Variants in ZNF17 observed in about 807,000 individuals in gnomAD.
ZNF17 encodes zinc finger protein 17.
In ZNF17, 4 loss-of-function variants were observed where a neutral mutation model predicts 7.7. The ratio of observed to expected loss-of-function variants is 0.52; its 90% CI spans 0.26 to 1.20. ZNF17 has a LOEUF of 1.20. ZNF17 is among the 50% of genes most tolerant of loss of function. ZNF17 has a pLI of 0.14. For synonymous variants in ZNF17, 249 were observed against 258.8 expected, an observed-to-expected ratio of 0.96 and a Z score of 0.36; for missense variants, 738 against 799.5, an observed-to-expected ratio of 0.92 and a Z score of 0.93.
Position 57,420,146 on chromosome 19 carries a change from T to G in ZNF17, c.660T>G (p.Tyr220Ter). The change falls in exon 4 of 4, where the codon TAT (tyrosine) becomes TAG (stop). Residue 220 changes from tyrosine (Y) to a stop codon, truncating the protein, a stop_gained. Coordinates refer to ENST00000307658, the MANE Select transcript of ZNF17 (RefSeq NM_001330617.2). LOFTEE classifies it low-confidence loss of function (END_TRUNC). The stretch of plus-strand genomic sequence containing the variant: ...AAATCCACACAGAGGAAAGGCCTTA[T>G]GAGTGCAGTGAATGTGGCAAATTGT... The part of the protein sequence containing the change: ...HQKIHTEERP[Y>*]ECSECGKLFR... 1 of 1,614,238 alleles carries G rather than the reference T, an allele frequency of 6.2e-7. No homozygotes were observed. Among genetic ancestry groups the G allele is most frequent in the Non-Finnish European group, 8.5e-7 (1 of 1,180,042 alleles).
In ZNF17 at chr19:57,421,308, G is replaced by A. The variant is rs1472153155; in HGVS notation, c.1822G>A (p.Gly608Arg). 6.2e-7 allele frequency: 1 copy of A among 1,614,088 alleles called. No homozygotes were observed. Among genetic ancestry groups the A allele is most frequent in the Admixed American group, 1.7e-5 (1 of 60,012 alleles). The change falls in exon 4 of 4, where the codon GGA becomes AGA. Residue 608 changes from glycine to arginine, a missense_variant. Transcript: ENST00000307658. ...CATTAGTCATGAGAGAGTTCATACT[G>A]GAGAAAAGCCTTATGAGTGCAGTGA... is the stretch of plus-strand genomic sequence containing the variant. ...TLISHERVHT[G>R]EKPYECSECG...
intron 2 of ZNF17, among the ~76,000 whole-genome samples, chr19:57,416,311 T>G (rs1396612946): frequency 6.6e-6 from 1 of 151,262 alleles, no homozygotes; most frequent in East Asian, 1.9e-4. Context: ...TTGCCAAGAG[T>G]GGAGGTGTTG....
intron 1 of ZNF17, among the ~76,000 whole-genome samples, chr19:57,413,003 G>A (rs2088788439): frequency 1.3e-5 from 2 of 151,650 alleles, no homozygotes; most frequent in Non-Finnish European, 2.9e-5. Context: ...TCAGCCTCCC[G>A]AGTAGCTGGG....
At position 57,420,178 on chromosome 19, in the gene ZNF17, A is replaced by G; in HGVS notation, c.692A>G (p.Tyr231Cys). 6.2e-7 allele frequency: 1 copy of G among 1,613,184 alleles called. No individual in the cohort carries two copies. Among genetic ancestry groups the G allele is most frequent in the Non-Finnish European group, 8.5e-7 (1 of 1,179,140 alleles). Reference sequence around the variant, plus strand: ...AGTGAATGTGGCAAATTGTTTAGGTACAACTCCGACCTTATTAAACATCAG... The same window carrying G: ...AGTGAATGTGGCAAATTGTTTAGGTGCAACTCCGACCTTATTAAACATCAG... ...ECSECGKLFRYNSDLIKHQRN... is the reference protein window; with the variant it reads ...ECSECGKLFRCNSDLIKHQRN... The change falls in exon 4 of 4, where the codon TAC becomes TGC. Residue 231 changes from tyrosine (Y) to cysteine (C), a missense_variant. By Grantham distance (194) the Tyr-to-Cys change is radical. Around this residue, in one of 3 missense-constraint regions of ZNF17, gnomAD observed 616 missense variants for 663.9 expected, o/e 0.93. Coordinates refer to ENST00000307658, the MANE Select transcript of ZNF17 (RefSeq NM_001330617.2).
chr19:57,417,430 A>G (rs1027357035), intron 2 of ZNF17, among the ~76,000 whole-genome samples: 4 of 152,186 alleles, frequency 2.6e-5, no homozygotes, highest in African/African-American at 9.7e-5. Flanking sequence ...TGATTGTTAG[A>G]TAGGAGGCAG....
intron 3 of ZNF17, 181 bp from the exon 4 acceptor site, chr19:57,419,454 T>A: frequency 3.2e-6 from 2 of 622,444 alleles, no homozygotes; most frequent in South Asian, 4.1e-5. Flanking sequence ...CAGGACTCTT[T>A]CGTTATGGGT....
At chr19:57,419,612 C>G in intron 3 of ZNF17, 23 bp from the exon 4 acceptor site, 1 of 1,594,052 alleles carries the variant, frequency 6.3e-7, no homozygotes, top group Non-Finnish European at 8.6e-7. Context: ...TCATCATGCA[C>G]TTCATGAGCA....
At chr19:57,414,168 G>A (rs2088796378) in intron 2 of ZNF17, among the ~76,000 whole-genome samples, 1 of 152,002 alleles carries the variant, frequency 6.6e-6, no homozygotes, top group African/African-American at 2.4e-5. Flanking sequence ...CGAGTAGCTG[G>A]GATTATAGGC....
Position 57,421,455 on chromosome 19 carries a change from C to T in ZNF17, c.1969C>T (p.Gln657Ter), listed in dbSNP as rs1192526071. 2 of 1,610,136 alleles carry T rather than the reference C, an allele frequency of 1.2e-6. No homozygotes were observed. Among genetic ancestry groups the T allele is most frequent in the South Asian group, 2.2e-5 (2 of 90,456 alleles). Residue 657 changes from glutamine to a stop codon, truncating the protein, a stop_gained, in exon 4 of 4, where the codon CAG (glutamine) becomes TAG (stop). Transcript: ENST00000307658. LOFTEE classifies it low-confidence loss of function (END_TRUNC). ...RVFNQNSHLI[Q>*]HQKVHTR ...CTTTAACCAAAATTCTCATCTCATT[C>T]AGCACCAGAAAGTTCACACCAGATA...
chr19:57,420,385 G>A lies in ZNF17; in HGVS notation c.899G>A (p.Arg300Lys), dbSNP rs747034381. 5 of 1,614,160 alleles carry A rather than the reference G, an allele frequency of 3.1e-6. No homozygotes were observed. The South Asian group carries it at 3.3e-5, about 11-fold the overall frequency. The change falls in exon 4 of 4, where the codon AGG becomes AAG. Residue 300 changes from arginine (R) to lysine (K), a missense_variant. Physicochemically the swap from Arg to Lys is conservative, Grantham distance 26. Around this residue, in one of 3 missense-constraint regions of ZNF17, gnomAD observed 616 missense variants for 663.9 expected, o/e 0.93. Transcript: ENST00000307658. ...HLLQHQRIHT[R>K]PRPYVCSECG... ...CTTCAGCACCAGAGGATTCACACCA[G>A]GCCAAGGCCTTATGTGTGTAGTGAA...
chr19:57,414,878 C>CA (rs1688388968), intron 2 of ZNF17, among the ~76,000 whole-genome samples: 1 of 151,392 alleles, frequency 6.6e-6, no homozygotes, highest in Admixed American at 6.6e-5. Flanking sequence ...GCCCGGCTAA[C>CA]TTTTTTTTGT....
chr19:57,416,592 CCTCTGCCTCCCAGGTTCAAGCAGTA>C (rs1486461647), intron 2 of ZNF17, among the ~76,000 whole-genome samples: 2 of 152,000 alleles, frequency 1.3e-5, no homozygotes, highest in South Asian at 4.1e-4. Context: ...CTCACTGCAA[CCTCTGCCTCCCAGGTTCAAGCAGTA>C]CTCTGCCTCA....
chr19:57,411,581 C>T (rs1314025739), intron 1 of ZNF17, 175 bp downstream of exon 1: 1 of 1,427,340 alleles, frequency 7.0e-7, no homozygotes, highest in Admixed American at 2.8e-5. Flanking sequence ...CCTGCACGTG[C>T]GAGGCTTAGA....
chr19:57,418,076 G>T (rs1327799341), intron 3 of ZNF17, 38 bp downstream of exon 3: 1 of 1,585,952 alleles, frequency 6.3e-7, no homozygotes, highest in Non-Finnish European at 8.6e-7. Flanking sequence ...CTTGTGCTGG[G>T]CAATGTTTTT....
chr19:57,411,758 G>A (rs2088778517), intron 1 of ZNF17: 1 of 1,003,766 alleles, frequency 1.0e-6, no homozygotes, highest in Non-Finnish European at 1.2e-6. Flanking sequence ...GGGAAAAACA[G>A]GATGTTAAAC....
At chr19:57,411,618 G>A (rs2088777392) in intron 1 of ZNF17, 2 of 1,380,710 alleles carry the variant, frequency 1.4e-6, no homozygotes, top group Non-Finnish European at 1.9e-6. Context: ...CGGCACTGGG[G>A]AGCCCGAGCG....
Position 57,419,542 on chromosome 19 carries a change from G to A in ZNF17, c.149-93G>A, listed in dbSNP as rs1174821436. ...TCCCATGCCTGTCACCAATCCCATG[G>A]TCTTATTTGTGAGTTGGTCTGACAG... On this transcript the variant is annotated intron_variant, in intron 3 of 3. Transcript: ENST00000307658. The A allele has an allele frequency of 2.2e-6, 3 of 1,355,578 alleles. No individual in the cohort carries two copies. In the East Asian group the frequency reaches 7.0e-5, roughly 32 times the overall value. 84.0% of individuals were successfully genotyped at this position (1,355,578 alleles called of 1,614,324 possible).
chr19:57,417,046 TCA>T lies in ZNF17; in HGVS notation c.22-865_22-864del, dbSNP rs529350872. On this transcript the variant is annotated intron_variant, in intron 2 of 3. Transcript: ENST00000307658. ...TATCAGTGATTGTACCCACAGGATT[TCA>T]ATCTGTGAACAAGAGTGAGTGATTA... 9.2e-5 allele frequency among the ~76,000 whole-genome samples: 14 copies of T among 152,308 alleles called. 2 individuals are homozygous for T. In the East Asian group the frequency reaches 2.5e-3, roughly 27 times the overall value.
At chr19:57,412,022 T>C (rs2088780436) in intron 1 of ZNF17, among the ~76,000 whole-genome samples, 1 of 151,634 alleles carries the variant, frequency 6.6e-6, no homozygotes, top group African/African-American at 2.4e-5. Flanking sequence ...GGATTATGAG[T>C]TGCATTTTGG....
Sources: allele counts gnomAD v4.1 joint callset (sites outside exome capture counted in the v4.1 genomes callset), GRCh38; gene constraint gnomAD v4.1.1; regional missense constraint gnomAD v4.1.1; transcripts MANE v1.5; gene names NCBI Gene and HGNC (gene_info 2026-07-23, HGNC 2026-07-21).